The following UMODL1 variants were observed in gnomAD, a reference collection of about 807,000 sequenced individuals.
UMODL1 encodes uromodulin like 1.
In UMODL1, 128 loss-of-function variants were observed where a neutral mutation model predicts 136.3. The ratio of observed to expected loss-of-function variants is 0.94; its 90% confidence interval spans 0.81 to 1.09. The LOEUF (loss-of-function observed/expected upper bound fraction) is 1.09, where lower values mean the gene tolerates loss of function less well. Ranked by LOEUF, UMODL1 falls within the 50% of genes least tolerant of loss-of-function variation. The probability of loss-of-function intolerance (pLI) is 0.00; values close to 1 mark genes in which losing one functional copy is unlikely to be tolerated. For synonymous variants in UMODL1, 721 were observed against 720.0 expected (o/e 1.00, Z -0.02); for missense variants, 1,766 against 1,725.6 (o/e 1.02, Z -0.41).
At chr21:42,073,023 C>CGT (rs2146414646) in intron 1 of UMODL1, among the ~76,000 whole-genome samples, 1 of 150,366 alleles carries the variant, frequency 6.7e-6, no homozygotes, top group South Asian at 2.2e-4. Context: ...TGTGTGTGTG[C>CGT]GCGCGCGCGT....
chr21:42,072,254 C>G (rs1489927989), intron 1 of UMODL1, among the ~76,000 whole-genome samples: 1 of 152,176 alleles, frequency 6.6e-6, no homozygotes, highest in African/African-American at 2.4e-5. Context: ...AGTTCTGAAA[C>G]CCCAGAATCC....
At chr21:42,063,274 A>T (rs2066156286) in intron 1 of UMODL1, 1 of 152,262 alleles carries the variant, frequency 6.6e-6, no homozygotes. Flanking sequence ...GCAGGGGTGC[A>T]GGGGGCTGCC....
rs1333088974 is a variant in UMODL1 at position 42,126,860 on chromosome 21, A to G, written c.3294-146A>G. On this transcript the variant is annotated intron_variant, in intron 18 of 22. Coordinates refer to ENST00000408910, the MANE Select transcript of UMODL1 (RefSeq NM_001004416.3). ...AGCCAGCCCTGAATAAATGGCCTCC[A>G]AGTGCTCTCGTTTGGGGTTGAGGGG... 3.9e-6 allele frequency: 3 copies of G among 766,780 alleles called. No individual in the cohort carries two copies. The African/African-American group carries it at 5.2e-5, about 13-fold the overall frequency. The allele number at this position is 766,780 out of a possible 1,614,324, so 47.5% of individuals were successfully genotyped here.
In UMODL1 at chr21:42,111,017, C is replaced by G. The variant is rs776013024; in HGVS notation, c.1795C>G (p.Pro599Ala). 6.2e-7 allele frequency: 1 copy of G among 1,612,892 alleles called. No homozygotes were observed. The highest frequency in any genetic ancestry group is 8.5e-7 in the Non-Finnish European group (1 of 1,179,714). ...CAGTCCTGGGTACCCTCAGGGCACC[C>G]CGGCAGCAGGCCAGGCCTGGACCCC... is the stretch of plus-strand genomic sequence containing the variant. ...SPSPGYPQGT[P>A]AAGQAWTPEP... The change falls in exon 11 of 23, where the codon CCG (proline) becomes GCG (alanine). Residue 599 changes from proline to alanine, a missense_variant. Transcript: ENST00000408910.
intron 11 of UMODL1, 101 bp downstream of exon 11, chr21:42,111,222 G>A (rs1483197591): frequency 1.3e-6 from 2 of 1,524,142 alleles, no homozygotes; most frequent in Non-Finnish European, 1.8e-6. Context: ...AGACAGGAGA[G>A]TACCAGCCAG....
At chr21:42,114,013 A>T (rs1434254082) in intron 13 of UMODL1, among the ~76,000 whole-genome samples, 183 bp downstream of exon 13, 1 of 152,214 alleles carries the variant, frequency 6.6e-6, no homozygotes, top group Non-Finnish European at 1.5e-5. Flanking sequence ...GAGGTGGCTT[A>T]TTCAGGAAAA....
At chr21:42,129,035 G>A (rs1242006305) in intron 20 of UMODL1, among the ~76,000 whole-genome samples, 2 of 151,684 alleles carry the variant, frequency 1.3e-5, no homozygotes, top group African/African-American at 2.4e-5. Flanking sequence ...GGCCTCGGGC[G>A]TTCCTTGGCT....
intron 7 of UMODL1, among the ~76,000 whole-genome samples, chr21:42,100,956 C>T (rs2066623783): frequency 1.5e-5 from 2 of 135,822 alleles, no homozygotes; most frequent in South Asian, 2.6e-4. Context: ...TACCCACCAA[C>T]CCCGTGCCTT....
chr21:42,113,237 T>A (rs2066859291), intron 12 of UMODL1: 1 of 216,090 alleles, frequency 4.6e-6, no homozygotes, highest in Non-Finnish European at 9.1e-6. Context: ...GGGTCAAGAG[T>A]AGACAGTCCA....
At chr21:42,124,271 A>C (rs976472357) in intron 17 of UMODL1, among the ~76,000 whole-genome samples, 2 of 152,200 alleles carry the variant, frequency 1.3e-5, no homozygotes, top group African/African-American at 4.8e-5. Context: ...TACTGGACAC[A>C]GGGGCCTGGG....
At chr21:42,108,687 C>A (rs2066760208) in intron 9 of UMODL1, among the ~76,000 whole-genome samples, 2 of 152,212 alleles carry the variant, frequency 1.3e-5, no homozygotes, top group African/African-American at 2.4e-5. Context: ...GCCCTGACGA[C>A]CTCGGCTCAG....
intron 6 of UMODL1, among the ~76,000 whole-genome samples, chr21:42,092,857 AT>A (rs11322789): frequency 0.42 from 63,973 of 151,016 alleles, 14,325 homozygotes; most frequent in East Asian, 0.53. Context: ...CCTTAAGCTC[AT>A]TTTTTTTTTC....
chr21:42,088,363 A>C lies in UMODL1; in HGVS notation c.673A>C (p.Thr225Pro). 6.2e-7 allele frequency: 1 copy of C among 1,613,918 alleles called. No individual in the cohort carries two copies. Among genetic ancestry groups the C allele is most frequent in the Non-Finnish European group, 8.5e-7 (1 of 1,179,998 alleles). The change falls in exon 5 of 23, where the codon ACC becomes CCC. Residue 225 changes from threonine to proline, a missense_variant. Transcript: ENST00000408910. Reference sequence around the variant, plus strand: ...GCACTCAGCCCCTGGGAACGCCTCCACCACAGTGTCGCGGCTGCTACTGGG... The same window carrying C: ...GCACTCAGCCCCTGGGAACGCCTCCCCCACAGTGTCGCGGCTGCTACTGGG... ...HLHSAPGNAS[T>P]TVSRLLLGLP...
At chr21:42,074,445 C>T (rs1356884387) in intron 1 of UMODL1, among the ~76,000 whole-genome samples, 2 of 152,148 alleles carry the variant, frequency 1.3e-5, no homozygotes, top group Admixed American at 1.3e-4. Flanking sequence ...TTTGGAGGAA[C>T]ACAATCAATT....
chr21:42,120,577 A>T (rs1002352777), intron 15 of UMODL1: 2 of 152,548 alleles, frequency 1.3e-5, no homozygotes, highest in African/African-American at 4.8e-5. Flanking sequence ...GCATGCCTGC[A>T]TTTTAAAAGG....
intron 14 of UMODL1, among the ~76,000 whole-genome samples, chr21:42,116,271 T>C (rs1235060247): frequency 6.6e-6 from 1 of 151,724 alleles, no homozygotes; most frequent in Non-Finnish European, 1.5e-5. Context: ...GGAGAATCTC[T>C]TGAACCCAGG....
rs1013063972 is a variant in UMODL1, at chr21:42,123,199, C to G, written c.3147+49C>G. ...AGGATGTACACTAGGGCGCAAGGGG[C>G]TCTAGGTTACATGGGCCTCGATGTG... is the stretch of plus-strand genomic sequence containing the variant. On this transcript the variant is annotated intron_variant, in intron 17 of 22. Transcript: ENST00000408910. This position sits in a 1 kb window ranked among gnomAD's most constrained non-coding sequence, Gnocchi z 4.4. 1.9e-6 allele frequency: 3 copies of G among 1,554,712 alleles called. No individual in the cohort carries two copies. Among genetic ancestry groups the G allele is most frequent in the Non-Finnish European group, 2.6e-6 (3 of 1,147,232 alleles).
At chr21:42,114,837 C>G (rs147862201) in intron 13 of UMODL1, among the ~76,000 whole-genome samples, 1 of 152,192 alleles carries the variant, frequency 6.6e-6, no homozygotes, top group African/African-American at 2.4e-5. Flanking sequence ...CTGAAGGTCT[C>G]AGCTGCTCTG....
Position 42,129,778 on chromosome 21 carries a change from A to T in UMODL1, c.3756A>T (p.Gly1252=). 1 of 1,587,084 alleles carries T rather than the reference A, an allele frequency of 6.3e-7. No homozygotes were observed. Among genetic ancestry groups the T allele is most frequent in the Non-Finnish European group, 8.5e-7 (1 of 1,169,620 alleles). Residue 1252 remains glycine, a synonymous_variant, in exon 21 of 23, where the codon GGA becomes GGT. Coordinates refer to ENST00000408910, the MANE Select transcript of UMODL1 (RefSeq NM_001004416.3). The part of the protein sequence containing the change: ...ETSATHQMSW[G]PLIRSEGEPP... Reference sequence around the variant, plus strand: ...CTGCCACACACCAGATGTCCTGGGGACCCCTCATCCGGTCTGAAGGTGAGT... The same window carrying T: ...CTGCCACACACCAGATGTCCTGGGGTCCCCTCATCCGGTCTGAAGGTGAGT...
Sources: gnomAD v4.1 joint callset for allele counts (sites outside exome capture counted in the v4.1 genomes callset) on GRCh38, gnomAD v4.1.1 for gene constraint, Gnocchi (gnomAD v3.1) non-coding constraint, MANE v1.5 for transcripts, NCBI Gene and HGNC (gene_info 2026-07-23, HGNC 2026-07-21) for gene names.